The following MDGA2 variants were observed in gnomAD, a reference collection of about 807,000 sequenced individuals.
The protein encoded by MDGA2 is MAM domain-containing glycosylphosphatidylinositol anchor protein 2.
In MDGA2, 40 loss-of-function variants were observed where a neutral mutation model predicts 117.8. The observed-to-expected ratio is 0.34, with a 90% CI of 0.26 to 0.44. The LOEUF is 0.44. Among genes scored for constraint, MDGA2 ranks in the 20% least tolerant of loss-of-function variants. The pLI, the probability that MDGA2 is intolerant of heterozygous loss-of-function variation, is 1.00. For missense variants in MDGA2, 1,123 were observed against 1,250.6 expected (o/e 0.90, Z 1.54); for synonymous variants, 452 against 439.0 (o/e 1.03, Z -0.37).
At chr14:47,602,467 A>T (rs1157923818) in intron 1 of MDGA2, among the ~76,000 whole-genome samples, 3 of 102,596 alleles carry the variant, frequency 2.9e-5, no homozygotes, top group South Asian at 2.7e-4. Context: ...CTCTTTATTT[A>T]AAAAAAAAAA....
chr14:47,158,807 G>C (rs147332349), intron 3 of MDGA2, among the ~76,000 whole-genome samples: 3 of 152,206 alleles, frequency 2.0e-5, no homozygotes, highest in Admixed American at 6.5e-5. Context: ...TCCTTCAGTG[G>C]GTAAACTGAT....
At chr14:47,570,847 C>A (rs1896005801) in intron 1 of MDGA2, among the ~76,000 whole-genome samples, 1 of 152,104 alleles carries the variant, frequency 6.6e-6, no homozygotes. Flanking sequence ...TAGGCATAGG[C>A]AAAGACTTCA....
rs1566600412 is a variant in MDGA2 at position 47,061,581 on chromosome 14, AC to A, written c.1196-4del. 1 of 1,601,800 alleles carries A rather than the reference AC, an allele frequency of 6.2e-7. No homozygotes were observed. Among genetic ancestry groups the A allele is most frequent in the Admixed American group, 1.7e-5 (1 of 58,926 alleles). ...CCAAAATCGTCCTTTTTTTAATGCTACAACATAAAAATTCCATAAGGAGTTA... is the reference window on the plus strand; with the variant it reads ...CCAAAATCGTCCTTTTTTTAATGCTAAACATAAAAATTCCATAAGGAGTTA... On this transcript the variant is annotated splice_region_variant and splice_polypyrimidine_tract_variant and intron_variant, in intron 6 of 16. Transcript: ENST00000399232.
intron 8 of MDGA2, among the ~76,000 whole-genome samples, chr14:46,969,122 G>T (rs1350174409): frequency 6.6e-6 from 1 of 152,058 alleles, no homozygotes; most frequent in African/African-American, 2.4e-5. Flanking sequence ...GTGTATATGT[G>T]CCACATTTTC....
chr14:47,626,262 T>C (rs1897137719), intron 1 of MDGA2: 1 of 152,282 alleles, frequency 6.6e-6, no homozygotes, highest in Non-Finnish European at 1.5e-5. Flanking sequence ...AAACAGTCAA[T>C]ACTTGTCTCC....
intron 1 of MDGA2, among the ~76,000 whole-genome samples, chr14:47,338,500 C>T (rs1265584493): frequency 6.6e-6 from 1 of 151,854 alleles, no homozygotes; most frequent in Non-Finnish European, 1.5e-5. Flanking sequence ...TTAAAAGGCA[C>T]ATTATCAATC....
intron 8 of MDGA2, among the ~76,000 whole-genome samples, chr14:47,004,843 GTT>G (rs1887656026): frequency 6.6e-6 from 1 of 151,488 alleles, no homozygotes; most frequent in Non-Finnish European, 1.5e-5. Context: ...CATTTTAAAT[GTT>G]TTTAAAATGG....
chr14:47,658,446 A>T (rs540746367), intron 1 of MDGA2, among the ~76,000 whole-genome samples: 3 of 152,106 alleles, frequency 2.0e-5, no homozygotes, highest in Non-Finnish European at 2.9e-5. Flanking sequence ...GTTCTAGAAG[A>T]AGTAGTAGAA....
At chr14:47,311,480 T>G (rs1192883526) in intron 1 of MDGA2, among the ~76,000 whole-genome samples, 1 of 152,068 alleles carries the variant, frequency 6.6e-6, no homozygotes, top group African/African-American at 2.4e-5. Flanking sequence ...ATGGACAAGT[T>G]TCTTAGCCTG....
At chr14:47,305,994 C>T (rs1376187217) in intron 1 of MDGA2, 2 of 152,052 alleles carry the variant, frequency 1.3e-5, no homozygotes, top group East Asian at 1.9e-4. Flanking sequence ...TGAAATATGC[C>T]TTTGTAATAT....
chr14:46,926,694 G>C (rs1275092869), intron 9 of MDGA2, among the ~76,000 whole-genome samples: 1 of 151,908 alleles, frequency 6.6e-6, no homozygotes, highest in Non-Finnish European at 1.5e-5. Flanking sequence ...AATTAGAAAA[G>C]AAGAGAGAAA....
chr14:46,967,890 T>C (rs10133843), intron 8 of MDGA2, among the ~76,000 whole-genome samples: 75,953 of 151,980 alleles, frequency 0.5, 19,656 homozygotes, highest in Middle Eastern at 0.6. Context: ...GATGTAAATA[T>C]AGTCCCTCCT....
chr14:47,577,819 G>T (rs1396149405), intron 1 of MDGA2, among the ~76,000 whole-genome samples: 1 of 152,188 alleles, frequency 6.6e-6, no homozygotes, highest in Non-Finnish European at 1.5e-5. Context: ...AATTCTGTTG[G>T]TAGGAATGTA....
chr14:47,275,507 T>C (rs1888282881), intron 2 of MDGA2, among the ~76,000 whole-genome samples: 1 of 152,130 alleles, frequency 6.6e-6, no homozygotes, highest in Admixed American at 6.6e-5. Context: ...AAAATATTTA[T>C]GCCTCTCATG....
intron 2 of MDGA2, among the ~76,000 whole-genome samples, chr14:47,250,612 C>G (rs928156400): frequency 6.6e-6 from 1 of 152,072 alleles, no homozygotes; most frequent in Non-Finnish European, 1.5e-5. Context: ...GACAGTGGGC[C>G]CTCACCAGAC....
intron 1 of MDGA2, among the ~76,000 whole-genome samples, chr14:47,351,078 AT>A (rs36042383): frequency 0.6 from 77,088 of 127,794 alleles, 23,640 homozygotes; most frequent in Admixed American, 0.73. Context: ...GGCCCGGCTA[AT>A]TTTTTTTTTT....
chr14:47,522,286 A>G (rs1229716180), intron 1 of MDGA2, among the ~76,000 whole-genome samples: 1 of 152,032 alleles, frequency 6.6e-6, no homozygotes, highest in Non-Finnish European at 1.5e-5. Flanking sequence ...TTAAATATCT[A>G]GAATATATTT....
At chr14:47,295,571 A>C (rs956901424) in intron 2 of MDGA2, among the ~76,000 whole-genome samples, 5 of 152,182 alleles carry the variant, frequency 3.3e-5, no homozygotes, top group African/African-American at 1.2e-4. Context: ...AAATATTTTA[A>C]AACAACTATA....
chr14:47,237,497 G>T (rs975652290), intron 2 of MDGA2, among the ~76,000 whole-genome samples: 7 of 152,074 alleles, frequency 4.6e-5, no homozygotes, highest in African/African-American at 1.7e-4. Flanking sequence ...TCACTGAAAT[G>T]GGGCAAAATG....
Sources: gnomAD v4.1 joint callset for allele counts (sites outside exome capture counted in the v4.1 genomes callset) on GRCh38, gnomAD v4.1.1 for gene constraint, MANE v1.5 for transcripts, NCBI Gene and HGNC (gene_info 2026-07-23, HGNC 2026-07-21) for gene names.